Variants in CYP2S1 observed in about 807,000 individuals in gnomAD.
CYP2S1 encodes the protein cytochrome P450 2S1.
A neutral mutation model predicts 43.5 loss-of-function variants in CYP2S1; 32 were observed. The observed-to-expected ratio is 0.74, with a 90% CI of 0.56 to 0.99. CYP2S1 has a LOEUF of 0.99. Ranked by LOEUF, CYP2S1 falls within the 50% of genes least tolerant of loss-of-function variation. The pLI is 0.00. For synonymous variants in CYP2S1, 283 were observed against 302.9 expected, an observed-to-expected ratio of 0.93 and a Z score of 0.68; for missense variants, 575 against 673.9, an observed-to-expected ratio of 0.85 and a Z score of 1.62.
intron 5 of CYP2S1, among the ~76,000 whole-genome samples, chr19:41,199,202 C>G (rs2033457129): frequency 6.6e-6 from 1 of 152,072 alleles, no homozygotes; most frequent in South Asian, 2.1e-4. Context: ...GCCCAGGGTC[C>G]TACACCAGCA....
chr19:41,194,531 TC>T lies in CYP2S1; in HGVS notation c.178-10del. On this transcript the variant is annotated splice_polypyrimidine_tract_variant and intron_variant, in intron 1 of 8. Coordinates refer to ENST00000310054, the MANE Select transcript of CYP2S1 (RefSeq NM_030622.8). ...GTCACAGCACCCTCCTCTTTCTTCC[TC>T]CCTACCCCCAGCTGAGTAAGAAGTA... 6.4e-6 allele frequency: 10 copies of T among 1,565,514 alleles called. No homozygotes were observed. Among genetic ancestry groups the T allele is most frequent in the Non-Finnish European group, 6.9e-6 (8 of 1,160,010 alleles).
Position 41,206,736 on chromosome 19 carries a change from A to G in CYP2S1, c.*248A>G, listed in dbSNP as rs2033586581. The G allele has an allele frequency of 2.7e-6, 2 of 735,520 alleles. No homozygotes were observed. Among genetic ancestry groups the G allele is most frequent in the Non-Finnish European group, 5.0e-6 (2 of 399,936 alleles). 45.6% of individuals were successfully genotyped at this position (735,520 alleles called of 1,614,324 possible). Reference sequence around the variant, plus strand: ...ACTGCTGGGTTAGCTTTCCACAGACATAAATATAGTCCATCTGCAATCACA... The same window carrying G: ...ACTGCTGGGTTAGCTTTCCACAGACGTAAATATAGTCCATCTGCAATCACA... On this transcript the variant is annotated 3_prime_UTR_variant, in exon 9 of 9. Transcript: ENST00000310054.
intron 7 of CYP2S1, 136 bp from the exon 8 acceptor site, chr19:41,205,822 C>G (rs1157775461): frequency 1.7e-5 from 20 of 1,180,866 alleles, no homozygotes; most frequent in Non-Finnish European, 1.9e-5. Flanking sequence ...GCACGCCACT[C>G]AACACTCCAC....
intron 2 of CYP2S1, among the ~76,000 whole-genome samples, chr19:41,196,594 G>C (rs147378765): frequency 1.3e-5 from 2 of 151,984 alleles, no homozygotes; most frequent in African/African-American, 2.4e-5. Context: ...GGCTCTGGCC[G>C]AGGAATGGAT....
Position 41,205,985 on chromosome 19 carries a change from T to C in CYP2S1, c.1192T>C (p.Ser398Pro). 2 of 1,614,014 alleles carry C rather than the reference T, an allele frequency of 1.2e-6. No homozygotes were observed. Among genetic ancestry groups the C allele is most frequent in the Non-Finnish European group, 1.7e-6 (2 of 1,179,978 alleles). ...QGTEVFPLLGSILHDPNIFKH... is the reference protein window; with the variant it reads ...QGTEVFPLLGPILHDPNIFKH... Reference sequence around the variant, plus strand: ...CACGGAGGTCTTCCCCCTCCTTGGCTCCATCCTGCATGACCCCAACATCTT... The same window carrying C: ...CACGGAGGTCTTCCCCCTCCTTGGCCCCATCCTGCATGACCCCAACATCTT... The change falls in exon 8 of 9, where the codon TCC becomes CCC. Residue 398 changes from serine (S) to proline (P), a missense_variant. Around this residue, in one of 2 missense-constraint regions of CYP2S1, gnomAD observed 222 missense variants for 306.3 expected, o/e 0.72. Transcript: ENST00000310054.
chr19:41,198,813 G>A lies in CYP2S1; in HGVS notation c.759G>A (p.Gln253=), dbSNP rs779833884. Residue 253 remains glutamine (Q), a synonymous_variant, in exon 5 of 9, where the codon CAG becomes CAA. Coordinates refer to ENST00000310054, the MANE Select transcript of CYP2S1 (RefSeq NM_030622.8). This position sits in a 1 kb window ranked among gnomAD's most constrained non-coding sequence, Gnocchi z 4.9. ...CTGCCTTCACAGTCCGGCAGGTGCA[G>A]CAGCACCAGGGGAACCTGGATGCTT... is the stretch of plus-strand genomic sequence containing the variant. ...TLAAFTVRQV[Q]QHQGNLDASG... 1.1e-5 allele frequency: 18 copies of A among 1,614,106 alleles called. No homozygotes were observed. Among genetic ancestry groups the A allele is most frequent in the Non-Finnish European group, 1.5e-5 (18 of 1,180,054 alleles).
Position 41,205,951 on chromosome 19 carries a change from C to T in CYP2S1, c.1165-7C>T. On this transcript the variant is annotated splice_region_variant and splice_polypyrimidine_tract_variant and intron_variant, in intron 7 of 8. Transcript: ENST00000310054. Reference sequence around the variant, plus strand: ...GGGTTTATAGTTTCATTATTATTTCCCCTCAGGGCACGGAGGTCTTCCCCC... The same window carrying T: ...GGGTTTATAGTTTCATTATTATTTCTCCTCAGGGCACGGAGGTCTTCCCCC... 3 of 1,612,784 alleles carry T rather than the reference C, an allele frequency of 1.9e-6. No homozygotes were observed. The highest frequency in any genetic ancestry group is 2.5e-6 in the Non-Finnish European group (3 of 1,179,324).
chr19:41,199,007 CTG>C lies in CYP2S1; in HGVS notation c.834+122_834+123del. 8.0e-6 allele frequency: 10 copies of C among 1,251,862 alleles called. No homozygotes were observed. In the South Asian group the frequency reaches 1.5e-4, roughly 19 times the overall value. 77.5% of individuals were successfully genotyped at this position (1,251,862 alleles called of 1,614,324 possible). ...TCTCTCTTTCTCTCTCTGCATGTCT[CTG>C]TGAGTATGAGTGTCTCTGTGCATGT... is the stretch of plus-strand genomic sequence containing the variant. On this transcript the variant is annotated intron_variant, in intron 5 of 8. Transcript: ENST00000310054.
At position 41,203,537 on chromosome 19, in the gene CYP2S1, C is replaced by T. The variant is rs778321662; in HGVS notation, c.1064C>T (p.Ala355Val). Residue 355 changes from alanine to valine, a missense_variant, in exon 7 of 9, where the codon GCG (alanine) becomes GTG (valine). By Grantham distance (64) the Ala-to-Val change is moderately conservative. Transcript: ENST00000310054. ...GDRTRLPYTDAVLHEAQRLLA... is the reference protein window; with the variant it reads ...GDRTRLPYTDVVLHEAQRLLA... The stretch of plus-strand genomic sequence containing the variant: ...CGTACCCGCCTCCCTTACACCGACG[C>T]GGTTCTGCATGAGGCGCAGCGGCTG... 5 of 1,598,718 alleles carry T rather than the reference C, an allele frequency of 3.1e-6. No individual in the cohort carries two copies. The highest frequency in any genetic ancestry group is 1.3e-5 in the African/African-American group (1 of 74,564).
chr19:41,194,748 C>T lies in CYP2S1; in HGVS notation c.343+39C>T, dbSNP rs754648345. 3.2e-6 allele frequency: 5 copies of T among 1,584,058 alleles called. No individual in the cohort carries two copies. In the Admixed American group the frequency reaches 5.8e-5, roughly 18 times the overall value. On this transcript the variant is annotated intron_variant, in intron 2 of 8. Coordinates refer to ENST00000310054, the MANE Select transcript of CYP2S1 (RefSeq NM_030622.8). Reference sequence around the variant, plus strand: ...TGCTAGGCCCTCCGCTCACAGCCTGCCACCACTTACTGGTGTGTGACCTTT... The same window carrying T: ...TGCTAGGCCCTCCGCTCACAGCCTGTCACCACTTACTGGTGTGTGACCTTT...
chr19:41,194,825 G>C, intron 2 of CYP2S1, 116 bp downstream of exon 2: 1 of 1,408,388 alleles, frequency 7.1e-7, no homozygotes, highest in Non-Finnish European at 9.4e-7. Context: ...AGTGATAACA[G>C]TGCCCATCAG....
Position 41,193,261 on chromosome 19 carries a change from C to CG in CYP2S1, c.-3dup, listed in dbSNP as rs1468266761. The stretch of plus-strand genomic sequence containing the variant: ...GGGAGAGGAGAAGGAGCCGACCTGC[C>CG]GAGATGGAGGCGACCGGCACCTGGG... On this transcript the variant is annotated 5_prime_UTR_variant, in exon 1 of 9. Transcript: ENST00000310054. 6.5e-7 allele frequency: 1 copy of CG among 1,539,638 alleles called. No homozygotes were observed. Among genetic ancestry groups the CG allele is most frequent in the Admixed American group, 2.0e-5 (1 of 50,244 alleles).
intron 2 of CYP2S1, among the ~76,000 whole-genome samples, chr19:41,195,472 T>C (rs1027314441): frequency 7.1e-6 from 1 of 140,758 alleles, no homozygotes; most frequent in African/African-American, 2.6e-5. Context: ...CAGCCCAGAG[T>C]GGTCAGGGCC....
chr19:41,193,296 T>A lies in CYP2S1; in HGVS notation c.32T>A (p.Leu11Gln), dbSNP rs1391583871. 1 of 1,541,416 alleles carries A rather than the reference T, an allele frequency of 6.5e-7. No individual in the cohort carries two copies. MEATGTWALL[L>Q]ALALLLLLTL... Reference sequence around the variant, plus strand: ...GCGACCGGCACCTGGGCGCTGCTGCTGGCGCTGGCGCTGCTCCTGCTGCTG... The same window carrying A: ...GCGACCGGCACCTGGGCGCTGCTGCAGGCGCTGGCGCTGCTCCTGCTGCTG... The change falls in exon 1 of 9, where the codon CTG (leucine) becomes CAG (glutamine). Residue 11 changes from leucine (L) to glutamine (Q), a missense_variant. Around this residue, in one of 2 missense-constraint regions of CYP2S1, gnomAD observed 353 missense variants for 367.6 expected, o/e 0.96. Transcript: ENST00000310054.
At chr19:41,197,745 G>A in intron 2 of CYP2S1, 34 bp from the exon 3 acceptor site, 1 of 1,610,508 alleles carries the variant, frequency 6.2e-7, no homozygotes, top group Non-Finnish European at 8.5e-7. Context: ...GGGGAGAGGG[G>A]CCGGTCCCTT....
At chr19:41,204,598 T>C (rs1314245064) in intron 7 of CYP2S1, among the ~76,000 whole-genome samples, 6 of 146,618 alleles carry the variant, frequency 4.1e-5, no homozygotes, top group Non-Finnish European at 9.0e-5. Flanking sequence ...TCTTCTTTTT[T>C]TTTTTTTTTT....
chr19:41,201,234 G>T lies in CYP2S1; in HGVS notation c.838G>T (p.Glu280Ter). The change falls in exon 6 of 9, where the codon GAA becomes TAA. Residue 280 changes from glutamate to a stop codon, truncating the protein, a stop_gained. Transcript: ENST00000310054. LOFTEE classifies it high-confidence loss of function. ...CCCTCTGCCTGGTTTCTTTCAGGAG[G>T]AACAAAACCCAGGCACAGAATTCAC... Reference protein sequence around the residue: ...DAFLLKMAQEEQNPGTEFTNK... With the variant: ...DAFLLKMAQE The T allele has an allele frequency of 6.2e-7, 1 of 1,614,058 alleles. No individual in the cohort carries two copies. Among genetic ancestry groups the T allele is most frequent in the Non-Finnish European group, 8.5e-7 (1 of 1,179,954 alleles).
Position 41,206,692 on chromosome 19 carries a change from C to A in CYP2S1, c.*204C>A. 1.3e-6 allele frequency: 1 copy of A among 782,248 alleles called. No homozygotes were observed. The highest frequency in any genetic ancestry group is 2.3e-6 in the Non-Finnish European group (1 of 434,850). 48.5% of individuals were successfully genotyped at this position (782,248 alleles called of 1,614,324 possible). A position where few individuals can be genotyped will look rare whatever the true frequency, so the allele number is the denominator to read the frequency against. ...TGCACAACCGCACACCCATACACAA[C>A]TACAAGGGCCACAAAGCAACTGCTG... On this transcript the variant is annotated 3_prime_UTR_variant, in exon 9 of 9. Coordinates refer to ENST00000310054, the MANE Select transcript of CYP2S1 (RefSeq NM_030622.8).
At chr19:41,203,135 C>T (rs2033511680) in intron 6 of CYP2S1, among the ~76,000 whole-genome samples, 1 of 151,486 alleles carries the variant, frequency 6.6e-6, no homozygotes, top group African/African-American at 2.4e-5. Flanking sequence ...TCGCTTGAAT[C>T]CGGGAGGCAG....
Sources: gnomAD v4.1 joint callset for allele counts (sites outside exome capture counted in the v4.1 genomes callset) on GRCh38, gnomAD v4.1.1 for gene constraint, gnomAD v4.1.1 regional missense constraint, Gnocchi (gnomAD v3.1) non-coding constraint, MANE v1.5 for transcripts, NCBI Gene and HGNC (gene_info 2026-07-23, HGNC 2026-07-21) for gene names.